IGSF23: variants seen among roughly 807,000 people sequenced by gnomAD.
IGSF23 encodes the protein immunoglobulin superfamily member 23, also known as immunoglobulin superfamily, member 23.
In IGSF23, 14 loss-of-function variants were observed where a neutral mutation model predicts 17.8. The observed-to-expected ratio is 0.79, with a 90% confidence interval of 0.52 to 1.23. The LOEUF is 1.23. Ranked by LOEUF, IGSF23 falls within the 50% of genes most tolerant of loss-of-function variation. The probability of loss-of-function intolerance (pLI) is 0.00; values close to 1 mark genes in which losing one functional copy is unlikely to be tolerated. For missense variants in IGSF23, 214 were observed against 241.7 expected (o/e 0.89, Z 0.76); for synonymous variants, 85 against 92.5 (o/e 0.92, Z 0.46).
chr19:44,634,469 C>A (rs1426555612), intron 3 of IGSF23, among the ~76,000 whole-genome samples: 1 of 152,132 alleles, frequency 6.6e-6, no homozygotes, highest in Non-Finnish European at 1.5e-5. Context: ...CCCTGTTGAT[C>A]TGGGGGGTGT....
At chr19:44,614,016 C>T in intron 1 of IGSF23, 1 of 1,487,654 alleles carries the variant, frequency 6.7e-7, no homozygotes. Context: ...GCGGCTTCAC[C>T]ACGGGCCAGG....
intron 3 of IGSF23, among the ~76,000 whole-genome samples, chr19:44,633,181 A>G (rs193270299): frequency 6.6e-6 from 1 of 152,372 alleles, no homozygotes; most frequent in Admixed American, 6.5e-5. Flanking sequence ...GTAAAGAAAC[A>G]GTCTTTTAAA....
rs987637841 is a variant in IGSF23, at chr19:44,636,662, G to C, written c.*275G>C. 2 of 152,142 alleles carry C rather than the reference G, an allele frequency of 1.3e-5. No individual in the cohort carries two copies. Among genetic ancestry groups the C allele is most frequent in the African/African-American group, 4.8e-5 (2 of 41,428 alleles). The allele number at this position is 152,142 out of a possible 1,614,324, so 9.4% of individuals were successfully genotyped here. On this transcript the variant is annotated 3_prime_UTR_variant, in exon 5 of 5. Transcript: ENST00000402988. ...CCTGTCTGTGGGAGCTCAGTGCTCA[G>C]AAAACAGGGGGGAGGTTTTACCTTG...
At chr19:44,613,797 G>T in intron 1 of IGSF23, 27 bp downstream of exon 1, 9 of 1,549,768 alleles carry the variant, frequency 5.8e-6, no homozygotes, top group Non-Finnish European at 7.9e-6. Context: ...AGTGGCCAGG[G>T]TAGGGCATGG....
intron 1 of IGSF23, among the ~76,000 whole-genome samples, chr19:44,614,438 T>A (rs1435337815): frequency 6.6e-6 from 1 of 152,128 alleles, no homozygotes; most frequent in African/African-American, 2.4e-5. Flanking sequence ...GTTTTTTTGT[T>A]TTGTTTTGTT....
chr19:44,630,905 G>A (rs1387818634), intron 3 of IGSF23, among the ~76,000 whole-genome samples: 2 of 152,222 alleles, frequency 1.3e-5, no homozygotes, highest in African/African-American at 4.8e-5. Flanking sequence ...CAGCTCTGCT[G>A]TACATGACCT....
chr19:44,620,515 C>T (rs1425159144), intron 1 of IGSF23, among the ~76,000 whole-genome samples: 3 of 151,844 alleles, frequency 2.0e-5, no homozygotes, highest in East Asian at 3.9e-4. Context: ...CACAGGCGCC[C>T]GCCACCACGC....
Position 44,625,859 on chromosome 19 carries a change from T to A in IGSF23, c.392-1561T>A, listed in dbSNP as rs111666506. 6.8e-3 allele frequency among the ~76,000 whole-genome samples: 1,040 copies of A among 152,262 alleles called. 12 individuals carry two copies. Among genetic ancestry groups the A allele is most frequent in the African/African-American group, 0.024 (989 of 41,528 alleles). On this transcript the variant is annotated intron_variant, in intron 2 of 4. Transcript: ENST00000402988. ...CTGTTCTCGTGATAGTCAATAAGTC[T>A]CACGAGTTCTGATGGTTTTACAAAA...
intron 1 of IGSF23, among the ~76,000 whole-genome samples, chr19:44,617,502 T>C (rs1358728855): frequency 1.3e-5 from 2 of 152,206 alleles, no homozygotes; most frequent in Non-Finnish European, 2.9e-5. Flanking sequence ...AATGTATATG[T>C]ATTTTAAAAC....
rs769131036 is a variant in IGSF23 at position 44,614,008 on chromosome 19, G to A, written c.125+238G>A. ...TTTTAACAGGTGCGTTGGAGACAGC[G>A]GCTTCACCACGGGCCAGGGACAAGG... On this transcript the variant is annotated intron_variant, in intron 1 of 4. Transcript: ENST00000402988. 59 of 1,503,844 alleles carry A rather than the reference G, an allele frequency of 3.9e-5. No individual in the cohort carries two copies. The African/African-American group carries it at 5.7e-4, about 15-fold the overall frequency. The allele number at this position is 1,503,844 out of a possible 1,614,324, so 93.2% of individuals were successfully genotyped here.
intron 2 of IGSF23, among the ~76,000 whole-genome samples, chr19:44,627,076 G>A (rs187590786): frequency 6.6e-6 from 1 of 152,314 alleles, no homozygotes; most frequent in Non-Finnish European, 1.5e-5. Flanking sequence ...TAAAGGCAGG[G>A]CAATGAGAGA....
chr19:44,621,525 A>C (rs550640505), intron 1 of IGSF23, among the ~76,000 whole-genome samples: 19 of 148,888 alleles, frequency 1.3e-4, no homozygotes, highest in Non-Finnish European at 2.7e-4. Context: ...CTGTAATCCC[A>C]ACTACTCTGG....
chr19:44,620,341 T>TTG (rs373422531), intron 1 of IGSF23, among the ~76,000 whole-genome samples: 15,646 of 139,100 alleles, frequency 0.11, 894 homozygotes, highest in African/African-American at 0.16. Context: ...ATGACTAATT[T>TTG]TGTGTGTGTG....
At chr19:44,618,174 G>A in intron 1 of IGSF23, 1 of 471,034 alleles carries the variant, frequency 2.1e-6, no homozygotes, top group South Asian at 1.5e-5. Context: ...CCATCTTCCT[G>A]TCCCCGGAAG....
intron 3 of IGSF23, among the ~76,000 whole-genome samples, chr19:44,630,662 T>C (rs2165537): frequency 5.9e-5 from 9 of 152,188 alleles, no homozygotes; most frequent in African/African-American, 2.2e-4. Flanking sequence ...GGGCATCAGC[T>C]GGAAGGAGCT....
chr19:44,623,821 G>A lies in IGSF23; in HGVS notation c.240G>A (p.Val80=), dbSNP rs1274573365. ...TGGTGACAATGGACCCTGAGCCTGT[G>A]CTGAGCTGGACCTTCAGTGGGGTGC... ...QWVVTMDPEP[V]LSWTFSGVPC... The change falls in exon 2 of 5, where the codon GTG becomes GTA. Residue 80 remains valine, a synonymous_variant. Coordinates refer to ENST00000402988, the MANE Select transcript of IGSF23 (RefSeq NM_001205280.2). 4 of 1,550,850 alleles carry A rather than the reference G, an allele frequency of 2.6e-6. No individual in the cohort carries two copies. The highest frequency in any genetic ancestry group is 3.5e-6 in the Non-Finnish European group (4 of 1,147,078).
intron 3 of IGSF23, chr19:44,632,417 G>T: frequency 6.2e-6 from 1 of 160,976 alleles, no homozygotes; most frequent in South Asian, 1.5e-4. Flanking sequence ...CATCATCTGT[G>T]ACAGCTTCTT....
chr19:44,629,716 C>T (rs973770081), intron 3 of IGSF23, among the ~76,000 whole-genome samples: 1 of 148,526 alleles, frequency 6.7e-6, no homozygotes, highest in African/African-American at 2.5e-5. Flanking sequence ...TCACTGCAAC[C>T]TCCACCTTCT....
At chr19:44,630,250 G>C (rs989519968) in intron 3 of IGSF23, among the ~76,000 whole-genome samples, 1 of 152,222 alleles carries the variant, frequency 6.6e-6, no homozygotes. Flanking sequence ...CTAGGGGCAA[G>C]GGAGGGCCAG....
Sources: gnomAD v4.1 joint callset for allele counts (sites outside exome capture counted in the v4.1 genomes callset) on GRCh38, gnomAD v4.1.1 for gene constraint, MANE v1.5 for transcripts, NCBI Gene and HGNC (gene_info 2026-07-23, HGNC 2026-07-21) for gene names.